DCC: variants seen among roughly 807,000 people sequenced by gnomAD.
DCC encodes netrin receptor DCC.
A neutral mutation model predicts 172.5 loss-of-function variants in DCC; 58 were observed. The ratio of observed to expected loss-of-function variants is 0.34; its 90% CI spans 0.27 to 0.42. The LOEUF (loss-of-function observed/expected upper bound fraction) is 0.42, where lower values mean the gene tolerates loss of function less well. DCC is among the 10% of genes least tolerant of loss of function. The pLI is 1.00. For missense variants in DCC, 1,740 were observed against 1,791.0 expected (o/e 0.97, Z 0.51); for synonymous variants, 709 against 644.5 (o/e 1.10, Z -1.52).
chr18:53,347,412 C>A (rs558100964), intron 15 of DCC, among the ~76,000 whole-genome samples: 1 of 151,952 alleles, frequency 6.6e-6, no homozygotes, highest in Non-Finnish European at 1.5e-5. Flanking sequence ...GATGGATGAG[C>A]CAAAAAGAGC....
intron 1 of DCC, among the ~76,000 whole-genome samples, chr18:52,345,519 A>T (rs577201526): frequency 6.6e-6 from 1 of 152,350 alleles, no homozygotes; most frequent in South Asian, 2.1e-4. Context: ...TCAATTAAAT[A>T]GCAACACAAT....
At chr18:52,776,880 G>A (rs181529657) in intron 2 of DCC, among the ~76,000 whole-genome samples, 18 of 152,206 alleles carry the variant, frequency 1.2e-4, no homozygotes, top group Admixed American at 6.5e-5. Context: ...AGATGCACAA[G>A]GGCTCAGAAA....
chr18:52,536,927 G>T (rs1446024317), intron 1 of DCC, among the ~76,000 whole-genome samples: 1 of 152,094 alleles, frequency 6.6e-6, no homozygotes, highest in Non-Finnish European at 1.5e-5. Flanking sequence ...AACCAGTTTA[G>T]TTATTATTTT....
intron 7 of DCC, among the ~76,000 whole-genome samples, chr18:53,077,186 T>C (rs1435019694): frequency 6.6e-6 from 1 of 152,126 alleles, no homozygotes; most frequent in Non-Finnish European, 1.5e-5. Flanking sequence ...TCAGCCAAGC[T>C]ATTTGACCTT....
At chr18:52,475,245 A>G (rs1989060180) in intron 1 of DCC, among the ~76,000 whole-genome samples, 1 of 152,204 alleles carries the variant, frequency 6.6e-6, no homozygotes, top group African/African-American at 2.4e-5. Context: ...GATGGGAAAT[A>G]GAATGTTTTA....
chr18:53,270,545 G>T (rs1042099971), intron 12 of DCC, among the ~76,000 whole-genome samples: 2 of 152,044 alleles, frequency 1.3e-5, no homozygotes, highest in African/African-American at 2.4e-5. Flanking sequence ...ATGTCAATTT[G>T]CTTCCTGGGA....
At chr18:52,739,080 C>G (rs2036774856) in intron 1 of DCC, among the ~76,000 whole-genome samples, 1 of 151,966 alleles carries the variant, frequency 6.6e-6, no homozygotes, top group Non-Finnish European at 1.5e-5. Context: ...ACCACAGACA[C>G]GTGAGTAATA....
chr18:52,805,674 C>T (rs1328396038), intron 2 of DCC, among the ~76,000 whole-genome samples: 1 of 152,138 alleles, frequency 6.6e-6, no homozygotes, highest in Admixed American at 6.5e-5. Context: ...TAAAGTCTAC[C>T]ACAAATGAAT....
intron 12 of DCC, among the ~76,000 whole-genome samples, chr18:53,240,896 A>T (rs1211093199): frequency 6.6e-6 from 1 of 152,112 alleles, no homozygotes; most frequent in Non-Finnish European, 1.5e-5. Context: ...TCACTTTTAG[A>T]GAGTCTTGTT....
At chr18:52,876,395 T>C (rs2039403318) in intron 2 of DCC, among the ~76,000 whole-genome samples, 1 of 152,224 alleles carries the variant, frequency 6.6e-6, no homozygotes, top group Admixed American at 6.5e-5. Flanking sequence ...TTACCAAATT[T>C]GGCCTATAAA....
At chr18:53,477,775 C>T (rs1267099983) in intron 25 of DCC, among the ~76,000 whole-genome samples, 1 of 152,096 alleles carries the variant, frequency 6.6e-6, no homozygotes, top group Admixed American at 6.5e-5. Flanking sequence ...TATTATATGG[C>T]ATATGCTACT....
chr18:52,966,586 G>A (rs544217745), intron 5 of DCC, among the ~76,000 whole-genome samples: 5 of 152,248 alleles, frequency 3.3e-5, no homozygotes, highest in African/African-American at 1.2e-4. Context: ...AGATAGGACA[G>A]TGAAAAGCAA....
At chr18:53,322,481 A>T (rs1326267023) in intron 14 of DCC, among the ~76,000 whole-genome samples, 2 of 152,174 alleles carry the variant, frequency 1.3e-5, no homozygotes, top group Non-Finnish European at 2.9e-5. Context: ...TTTCGTTCAC[A>T]AGAATTAGTG....
rs755118442 is a variant in DCC, at chr18:52,950,929, CAAAAAAAAAAAAAAAAAAAAAA to C, written c.985+25580_985+25601del. On this transcript the variant is annotated intron_variant, in intron 5 of 28. Coordinates refer to ENST00000442544, the MANE Select transcript of DCC (RefSeq NM_005215.4). The stretch of plus-strand genomic sequence containing the variant: ...TGGGCGACAGAGTGAGACTCCGTCT[CAAAAAAAAAAAAAAAAAAAAAA>C]AAAAAAAAAAAAAAAAAAAAGTCTG... Among the ~76,000 whole-genome samples, 223 of 57,416 alleles carry C rather than the reference CAAAAAAAAAAAAAAAAAAAAAA, an allele frequency of 3.9e-3. 1 individual carries two copies. The highest frequency in any genetic ancestry group is 0.012 in the African/African-American group (189 of 15,506). 37.7% of individuals were successfully genotyped at this position (57,416 alleles called of 152,430 possible).
chr18:53,030,964 GA>G (rs1364326491), intron 5 of DCC, among the ~76,000 whole-genome samples: 1 of 152,090 alleles, frequency 6.6e-6, no homozygotes, highest in African/African-American at 2.4e-5. Flanking sequence ...AATCTCTCTT[GA>G]AATATTTTTC....
chr18:52,667,682 C>T (rs753900616), intron 1 of DCC, among the ~76,000 whole-genome samples: 2 of 152,164 alleles, frequency 1.3e-5, no homozygotes, highest in South Asian at 2.1e-4. Flanking sequence ...CAGCCCCTGG[C>T]TTTGGGAGGG....
Position 52,934,443 on chromosome 18 carries a change from C to T in DCC, c.985+9073C>T, listed in dbSNP as rs181639795. On this transcript the variant is annotated intron_variant, in intron 5 of 28. Coordinates refer to ENST00000442544, the MANE Select transcript of DCC (RefSeq NM_005215.4). ...ATAGGGAGAAACTTAAAAACAGAAGCCATGTCTTCTACATTTTGATCACTC... is the reference window on the plus strand; with the variant it reads ...ATAGGGAGAAACTTAAAAACAGAAGTCATGTCTTCTACATTTTGATCACTC... Among the ~76,000 whole-genome samples the T allele has an allele frequency of 3.1e-3, 467 of 152,208 alleles. 2 individuals are homozygous for T. Among genetic ancestry groups the T allele is most frequent in the Non-Finnish European group, 4.4e-3 (299 of 67,984 alleles).
At chr18:53,261,494 A>T (rs967771144) in intron 12 of DCC, among the ~76,000 whole-genome samples, 22 of 152,234 alleles carry the variant, frequency 1.4e-4, no homozygotes, top group Admixed American at 9.8e-4. Flanking sequence ...TGTCAGTCAG[A>T]TCACCACAAC....
chr18:52,901,809 T>C (rs1437269459), intron 2 of DCC, among the ~76,000 whole-genome samples: 1 of 152,226 alleles, frequency 6.6e-6, no homozygotes, highest in Non-Finnish European at 1.5e-5. Context: ...TTTGTATCTT[T>C]TTTCTTTCAG....
Sources: gnomAD v4.1 joint callset for allele counts (sites outside exome capture counted in the v4.1 genomes callset) on GRCh38, gnomAD v4.1.1 for gene constraint, MANE v1.5 for transcripts, NCBI Gene and HGNC (gene_info 2026-07-23, HGNC 2026-07-21) for gene names.